Variants in KANSL3 observed in about 807,000 individuals in gnomAD.
The protein encoded by KANSL3 is KAT8 regulatory NSL complex subunit 3.
A neutral mutation model predicts 89.2 loss-of-function variants in KANSL3; 16 were observed. The ratio of observed to expected loss-of-function variants is 0.18; its 90% CI spans 0.12 to 0.27. The LOEUF (loss-of-function observed/expected upper bound fraction) is 0.27, where lower values mean the gene tolerates loss of function less well. Among genes scored for constraint, KANSL3 ranks in the 10% least tolerant of loss-of-function variants. KANSL3 has a pLI of 1.00. For synonymous variants in KANSL3, 385 were observed against 419.7 expected (o/e 0.92, Z 1.01); for missense variants, 879 against 1,110.6 (o/e 0.79, Z 2.96).
intron 6 of KANSL3, 47 bp from the exon 7 acceptor site, chr2:96,612,981 C>G (rs1189027574): frequency 7.7e-7 from 1 of 1,301,354 alleles, no homozygotes; most frequent in Non-Finnish European, 1.1e-6. Context: ...GAGAAGTGTC[C>G]TTTCATGAAA....
At chr2:96,621,589 G>A (rs1203016149) in intron 3 of KANSL3, among the ~76,000 whole-genome samples, 1 of 151,692 alleles carries the variant, frequency 6.6e-6, no homozygotes, top group Non-Finnish European at 1.5e-5. Flanking sequence ...TTGGGAGGCT[G>A]AGGCAGGAGG....
the KANSL3 span, among the ~76,000 whole-genome samples, chr2:96,587,135 G>A: frequency 7.9e-5 from 12 of 152,266 alleles, no homozygotes; most frequent in African/African-American, 2.9e-4. Context: ...TGGTGTTGAA[G>A]TAGGCCAAGT....
At chr2:96,604,657 G>A (rs1345935759) in intron 16 of KANSL3, 122 bp downstream of exon 16, 2 of 922,894 alleles carry the variant, frequency 2.2e-6, no homozygotes, top group Non-Finnish European at 3.3e-6. Flanking sequence ...CCAATCAGAA[G>A]TAAGTCACAT....
chr2:96,604,010 C>T (rs778378275), intron 17 of KANSL3: 82 of 414,668 alleles, frequency 2.0e-4, no homozygotes, highest in Non-Finnish European at 3.1e-4. Context: ...GGATACAGCA[C>T]CTGTAGACTG....
chr2:96,628,248 A>G (rs2072756999), intron 3 of KANSL3: 2 of 984,994 alleles, frequency 2.0e-6, no homozygotes, highest in Non-Finnish European at 2.4e-6. Flanking sequence ...CCACTCATCT[A>G]TTCACTTCTG....
At chr2:96,583,098 G>A in the KANSL3 span, among the ~76,000 whole-genome samples, 2 of 152,190 alleles carry the variant, frequency 1.3e-5, no homozygotes, top group African/African-American at 4.8e-5. Flanking sequence ...CTGAGTTTTA[G>A]CTGCTCTGCA....
At position 96,627,929 on chromosome 2, in the gene KANSL3, G is replaced by C. The variant is rs1235268979; in HGVS notation, c.386+3383C>G. 2.3e-6 allele frequency: 3 copies of C among 1,289,734 alleles called. No homozygotes were observed. The African/African-American group carries it at 4.6e-5, about 20-fold the overall frequency. 79.9% of individuals were successfully genotyped at this position (1,289,734 alleles called of 1,614,324 possible). On this transcript the variant is annotated intron_variant, in intron 3 of 20. Transcript: ENST00000431828. ...TGTACAAAAGTTACCTACCAAAAGA[G>C]ATGGTGTGTAAGCCTGCTGCCAATG...
rs1558663031 is a variant in KANSL3, at chr2:96,602,882, G to GA, written c.2150-21dup. ...TGGCCCCTAAGAGAGGACATAGCAG[G>GA]AATCAGTAGAGACTCAATCACTTGC... On this transcript the variant is annotated intron_variant, in intron 17 of 20. Coordinates refer to ENST00000431828, the MANE Select transcript of KANSL3 (RefSeq NM_001115016.3). 2 of 1,608,440 alleles carry GA rather than the reference G, an allele frequency of 1.2e-6. No homozygotes were observed. The highest frequency in any genetic ancestry group is 8.5e-7 in the Non-Finnish European group (1 of 1,175,108).
intron 3 of KANSL3, among the ~76,000 whole-genome samples, chr2:96,622,919 G>A (rs2071571469): frequency 6.6e-6 from 1 of 152,124 alleles, no homozygotes; most frequent in Non-Finnish European, 1.5e-5. Context: ...TTCTGCTGAG[G>A]CTTGCTCTGA....
intron 5 of KANSL3, 103 bp from the exon 6 acceptor site, chr2:96,613,722 G>A (rs1249112197): frequency 2.8e-6 from 3 of 1,082,714 alleles, no homozygotes; most frequent in African/African-American, 3.2e-5. Context: ...GCCATAGACA[G>A]ACTTCAACTA....
chr2:96,620,496 T>C (rs1408726647), intron 3 of KANSL3, among the ~76,000 whole-genome samples: 1 of 152,182 alleles, frequency 6.6e-6, no homozygotes, highest in African/African-American at 2.4e-5. Flanking sequence ...GCTTTGTGTG[T>C]TGCAGACATC....
chr2:96,628,136 C>T (rs2072737383), intron 3 of KANSL3: 7 of 1,289,874 alleles, frequency 5.4e-6, no homozygotes, highest in Non-Finnish European at 7.1e-6. Flanking sequence ...CTCTAAAGGA[C>T]AGGCAGGAGA....
At chr2:96,626,975 C>T (rs185145069) in intron 3 of KANSL3, among the ~76,000 whole-genome samples, 7 of 152,308 alleles carry the variant, frequency 4.6e-5, no homozygotes, top group African/African-American at 1.4e-4. Flanking sequence ...AAAGCTTATG[C>T]ACACCGAAAT....
In KANSL3 at chr2:96,618,494, G is replaced by A. The variant is rs560533952; in HGVS notation, c.663+865C>T. Among the ~76,000 whole-genome samples, 19 of 152,324 alleles carry A rather than the reference G, an allele frequency of 1.2e-4. No individual in the cohort carries two copies. The South Asian group carries it at 3.9e-3, about 32-fold the overall frequency. Reference sequence around the variant, plus strand: ...CATGAGCTACTATGCCCGGCCGTGAGGCCATTTTGTATTGGAGCAAAACAC... The same window carrying A: ...CATGAGCTACTATGCCCGGCCGTGAAGCCATTTTGTATTGGAGCAAAACAC... On this transcript the variant is annotated intron_variant, in intron 5 of 20. Coordinates refer to ENST00000431828, the MANE Select transcript of KANSL3 (RefSeq NM_001115016.3).
At chr2:96,625,392 T>C (rs914972880) in intron 3 of KANSL3, among the ~76,000 whole-genome samples, 7 of 152,226 alleles carry the variant, frequency 4.6e-5, no homozygotes, top group Non-Finnish European at 1.0e-4. Flanking sequence ...TTCAACAATC[T>C]CTGGAGCTTT....
the KANSL3 span, among the ~76,000 whole-genome samples, chr2:96,584,430 G>A: frequency 2.0e-5 from 3 of 152,222 alleles, no homozygotes; most frequent in African/African-American, 4.8e-5. Flanking sequence ...GGCATATCCA[G>A]CACCTCAAAA....
chr2:96,625,207 C>G (rs1428941132), intron 3 of KANSL3, among the ~76,000 whole-genome samples: 1 of 152,064 alleles, frequency 6.6e-6, no homozygotes, highest in African/African-American at 2.4e-5. Context: ...GAGACTCCAT[C>G]TCAAAAACAA....
intron 11 of KANSL3, 79 bp downstream of exon 11, chr2:96,610,647 G>GT: frequency 3.3e-6 from 5 of 1,523,576 alleles, no homozygotes; most frequent in Non-Finnish European, 4.5e-6. Flanking sequence ...AGACTGGTCT[G>GT]TAGTTACATT....
chr2:96,632,195 G>A (rs1210320227), intron 2 of KANSL3, among the ~76,000 whole-genome samples: 2 of 152,080 alleles, frequency 1.3e-5, no homozygotes, highest in Non-Finnish European at 2.9e-5. Flanking sequence ...ATATAGCCAG[G>A]CACAGTGATT....
Sources: allele counts gnomAD v4.1 joint callset (sites outside exome capture counted in the v4.1 genomes callset), GRCh38; gene constraint gnomAD v4.1.1; transcripts MANE v1.5; gene names NCBI Gene and HGNC (gene_info 2026-07-23, HGNC 2026-07-21).